SACM1L: variants seen among roughly 807,000 people sequenced by gnomAD.
SACM1L encodes SAC1 like phosphatidylinositide phosphatase, also known as phosphatidylinositol-3-phosphatase SAC1.
SACM1L carries 32 observed loss-of-function variants against 89.5 expected under a neutral mutation model. The ratio of observed to expected loss-of-function variants is 0.36; its 90% CI spans 0.27 to 0.48. The LOEUF (loss-of-function observed/expected upper bound fraction) is 0.48, where lower values mean the gene tolerates loss of function less well. Among genes scored for constraint, SACM1L ranks in the 20% least tolerant of loss-of-function variants. The pLI is 0.99. For synonymous variants in SACM1L, 213 were observed against 232.8 expected, an observed-to-expected ratio of 0.92 and a Z score of 0.77; for missense variants, 543 against 708.5, an observed-to-expected ratio of 0.77 and a Z score of 2.65.
At position 45,731,314 on chromosome 3, in the gene SACM1L, G is replaced by T; in HGVS notation, c.935G>T (p.Gly312Val). The T allele has an allele frequency of 1.2e-6, 2 of 1,612,612 alleles. No individual in the cohort carries two copies. The highest frequency in any genetic ancestry group is 1.1e-5 in the South Asian group (1 of 90,950). The change falls in exon 12 of 20, where the codon GGC (glycine) becomes GTC (valine). Residue 312 changes from glycine to valine, a missense_variant. By Grantham distance (109) the Gly-to-Val change is moderately radical. This residue lies in a region of SACM1L where 370 missense variants were observed against 527.6 expected (regional missense o/e 0.70). Coordinates refer to ENST00000389061, the MANE Select transcript of SACM1L (RefSeq NM_014016.5). ...QVIINLINQKGSEKPLEQTFA... is the reference protein window; with the variant it reads ...QVIINLINQKVSEKPLEQTFA... ...AATTTTTTACAGATTAACCAGAAGG[G>T]CTCGGAGAAGCCACTTGAGCAGACA... is the stretch of plus-strand genomic sequence containing the variant.
chr3:45,704,061 T>A (rs977491879), intron 2 of SACM1L, among the ~76,000 whole-genome samples: 1 of 152,248 alleles, frequency 6.6e-6, no homozygotes, highest in Non-Finnish European at 1.5e-5. Context: ...AGTTATACTT[T>A]GGTTATGCTT....
intron 4 of SACM1L, among the ~76,000 whole-genome samples, chr3:45,708,052 ATAAC>A (rs966187435): frequency 1.6e-4 from 24 of 150,034 alleles, no homozygotes; most frequent in African/African-American, 5.3e-4. Context: ...GTTAATATCT[ATAAC>A]TAATATCTAT....
At chr3:45,718,397 T>C (rs748836207) in intron 7 of SACM1L, among the ~76,000 whole-genome samples, 23 of 152,140 alleles carry the variant, frequency 1.5e-4, no homozygotes, top group Non-Finnish European at 3.1e-4. Flanking sequence ...TAGTAGTTAC[T>C]TCTTAGAGGG....
chr3:45,714,170 A>C, intron 7 of SACM1L, 91 bp downstream of exon 7: 1 of 635,162 alleles, frequency 1.6e-6, no homozygotes, highest in Non-Finnish European at 2.6e-6. Flanking sequence ...CAAATACTCC[A>C]TAAGGAGAGT....
chr3:45,741,187 G>A (rs578186506), intron 19 of SACM1L, among the ~76,000 whole-genome samples: 1 of 152,204 alleles, frequency 6.6e-6, no homozygotes, highest in African/African-American at 2.4e-5. Flanking sequence ...CTCTCTGCCT[G>A]TCTGAATTCC....
chr3:45,707,981 A>C (rs1698436403), intron 4 of SACM1L, among the ~76,000 whole-genome samples: 4 of 152,208 alleles, frequency 2.6e-5, no homozygotes, highest in South Asian at 4.1e-4. Context: ...CAATTTGTTC[A>C]TTTATGCTTA....
intron 7 of SACM1L, among the ~76,000 whole-genome samples, chr3:45,715,601 C>T (rs569751826): frequency 6.6e-6 from 1 of 152,230 alleles, no homozygotes; most frequent in East Asian, 1.9e-4. Flanking sequence ...TGGTGAAACC[C>T]TGTCTCTACT....
At chr3:45,738,960 A>G in intron 18 of SACM1L, 87 bp downstream of exon 18, 2 of 783,180 alleles carry the variant, frequency 2.6e-6, no homozygotes, top group South Asian at 1.7e-5. Context: ...AAAACGTTAT[A>G]TGTGGTTTTA....
Position 45,737,755 on chromosome 3 carries a change from T to G in SACM1L, c.1310-17T>G. ...GTCATCTTAATAATTATCAGCTGTTTTTACTTTTTTCTACAGCCTGGGCTG... is the reference window on the plus strand; with the variant it reads ...GTCATCTTAATAATTATCAGCTGTTGTTACTTTTTTCTACAGCCTGGGCTG... On this transcript the variant is annotated splice_polypyrimidine_tract_variant and intron_variant, in intron 15 of 19. Coordinates refer to ENST00000389061, the MANE Select transcript of SACM1L (RefSeq NM_014016.5). 1 of 1,606,676 alleles carries G rather than the reference T, an allele frequency of 6.2e-7. No individual in the cohort carries two copies. Among genetic ancestry groups the G allele is most frequent in the Admixed American group, 1.7e-5 (1 of 57,668 alleles).
intron 11 of SACM1L, among the ~76,000 whole-genome samples, chr3:45,723,773 C>G (rs1698842954): frequency 6.6e-6 from 1 of 152,064 alleles, no homozygotes; most frequent in South Asian, 2.1e-4. Flanking sequence ...CCTGGTAATT[C>G]TATTTTACTT....
chr3:45,712,868 T>A (rs943645345), intron 5 of SACM1L, among the ~76,000 whole-genome samples: 1 of 152,120 alleles, frequency 6.6e-6, no homozygotes, highest in African/African-American at 2.4e-5. Context: ...GTAAAAAATA[T>A]GGATTTTGAA....
intron 19 of SACM1L, among the ~76,000 whole-genome samples, chr3:45,741,708 C>G (rs1411398648): frequency 3.3e-5 from 5 of 152,062 alleles, no homozygotes; most frequent in Admixed American, 1.3e-4. Context: ...AAAGAGCCAT[C>G]TTATTATTAT....
chr3:45,743,485 G>C (rs1699359809), intron 19 of SACM1L, 48 bp from the exon 20 acceptor site: 1 of 1,566,022 alleles, frequency 6.4e-7, no homozygotes, highest in African/African-American at 1.4e-5. Context: ...AACTGGGTCT[G>C]ATATCAACAA....
Position 45,714,095 on chromosome 3 carries a change from A to G in SACM1L, c.577+16A>G. On this transcript the variant is annotated intron_variant, in intron 7 of 19. Transcript: ENST00000389061. ...TTACATGGCTGTATCCTTACATGAT[A>G]TTACTCTTTAGTTTCTAGATGCCTT... is the stretch of plus-strand genomic sequence containing the variant. The G allele has an allele frequency of 6.7e-7, 1 of 1,501,202 alleles. No homozygotes were observed. The highest frequency in any genetic ancestry group is 9.0e-7 in the Non-Finnish European group (1 of 1,108,154). The allele number at this position is 1,501,202 out of a possible 1,614,324, so 93.0% of individuals were successfully genotyped here.
intron 1 of SACM1L, among the ~76,000 whole-genome samples, chr3:45,697,277 T>C (rs1480339049): frequency 7.8e-6 from 1 of 127,684 alleles, no homozygotes; most frequent in Non-Finnish European, 1.5e-5. Flanking sequence ...TCCTTTTTTT[T>C]TTTTTTTTTT....
chr3:45,717,139 G>A (rs1332062093), intron 7 of SACM1L, among the ~76,000 whole-genome samples: 1 of 152,182 alleles, frequency 6.6e-6, no homozygotes, highest in Admixed American at 6.5e-5. Context: ...TATCAAGTCT[G>A]ATGATACCAG....
rs542153333 is a variant in SACM1L at position 45,700,869 on chromosome 3, A to G, written c.33-2569A>G. ...GTATTTTTAGTAGAGATGAGGTTTC[A>G]CCATGTTGGCCAGGCTGGTCTCGAA... is the stretch of plus-strand genomic sequence containing the variant. On this transcript the variant is annotated intron_variant, in intron 1 of 19. Transcript: ENST00000389061. 2.6e-5 allele frequency among the ~76,000 whole-genome samples: 4 copies of G among 152,296 alleles called. No individual in the cohort carries two copies. In the East Asian group the frequency reaches 7.7e-4, roughly 29 times the overall value.
chr3:45,738,711 G>T (rs1474076767), intron 17 of SACM1L, 40 bp downstream of exon 17: 1 of 1,531,372 alleles, frequency 6.5e-7, no homozygotes, highest in Admixed American at 1.7e-5. Context: ...TTACGTGGTT[G>T]TATCTTTGCA....
At chr3:45,693,266 G>A (rs116442528) in intron 1 of SACM1L, among the ~76,000 whole-genome samples, 6,692 of 152,242 alleles carry the variant, frequency 0.044, 481 homozygotes, top group African/African-American at 0.15. Flanking sequence ...GCTGTACTTT[G>A]TTTCTCCAAC....
Sources: gnomAD v4.1 joint callset for allele counts (sites outside exome capture counted in the v4.1 genomes callset) on GRCh38, gnomAD v4.1.1 for gene constraint, gnomAD v4.1.1 regional missense constraint, MANE v1.5 for transcripts, NCBI Gene and HGNC (gene_info 2026-07-23, HGNC 2026-07-21) for gene names.